Variants in MACROD2 observed in about 807,000 individuals in gnomAD.
The protein encoded by MACROD2 is ADP-ribose glycohydrolase MACROD2.
Under a neutral mutation model 70.4 loss-of-function variants are expected in MACROD2, and 36 were observed. The ratio of observed to expected loss-of-function variants is 0.51; its 90% CI spans 0.39 to 0.68. MACROD2 has a LOEUF of 0.68. Among genes scored for constraint, MACROD2 ranks in the 30% least tolerant of loss-of-function variants. The pLI, the probability that MACROD2 is intolerant of heterozygous loss-of-function variation, is 0.00. For synonymous variants in MACROD2, 172 were observed against 178.8 expected (o/e 0.96, Z 0.30); for missense variants, 496 against 538.4 (o/e 0.92, Z 0.78).
At chr20:15,292,532 T>C (rs1268539221) in intron 6 of MACROD2, among the ~76,000 whole-genome samples, 2 of 152,170 alleles carry the variant, frequency 1.3e-5, no homozygotes, top group Non-Finnish European at 1.5e-5. Context: ...AGCCAAACCC[T>C]ATAACAAAGT....
chr20:15,177,942 C>CTT (rs1160389671), intron 5 of MACROD2, among the ~76,000 whole-genome samples: 2 of 145,182 alleles, frequency 1.4e-5, no homozygotes, highest in South Asian at 2.2e-4. Flanking sequence ...AAATGGCATG[C>CTT]TTTTTTTTTT....
rs533901435 is a variant in MACROD2, at chr20:14,978,731, T to G, written c.419-251209T>G. ...GTTCTGCAACAGTTTAACAATCTGG[T>G]TAACATTTGAAAGTAAATGAAAACG... On this transcript the variant is annotated intron_variant, in intron 5 of 17. Transcript: ENST00000684519. 2.0e-5 allele frequency among the ~76,000 whole-genome samples: 3 copies of G among 148,598 alleles called. No homozygotes were observed. The South Asian group carries it at 6.5e-4, about 32-fold the overall frequency.
At chr20:15,789,026 T>C (rs905833824) in intron 8 of MACROD2, among the ~76,000 whole-genome samples, 5 of 152,234 alleles carry the variant, frequency 3.3e-5, no homozygotes, top group African/African-American at 1.2e-4. Context: ...ATGCAGCTAC[T>C]TCTTCCCTTG....
At chr20:14,338,899 T>C (rs2082982141) in intron 3 of MACROD2, among the ~76,000 whole-genome samples, 1 of 152,212 alleles carries the variant, frequency 6.6e-6, no homozygotes. Flanking sequence ...ATAAGTGTAT[T>C]TCACTTGTTC....
chr20:15,242,865 A>C (rs991292828), intron 6 of MACROD2, among the ~76,000 whole-genome samples: 3 of 152,208 alleles, frequency 2.0e-5, no homozygotes, highest in Non-Finnish European at 4.4e-5. Context: ...GTTAATGTGC[A>C]GGACGCTAAT....
At chr20:14,738,825 A>G (rs2071699804) in intron 5 of MACROD2, among the ~76,000 whole-genome samples, 1 of 152,004 alleles carries the variant, frequency 6.6e-6, no homozygotes, top group Non-Finnish European at 1.5e-5. Context: ...AGTATCCTTA[A>G]TATAGAGTAC....
At chr20:15,137,885 T>G (rs2076162690) in intron 5 of MACROD2, among the ~76,000 whole-genome samples, 1 of 152,126 alleles carries the variant, frequency 6.6e-6, no homozygotes, top group Non-Finnish European at 1.5e-5. Flanking sequence ...TGGGGTTAGT[T>G]GAGTGAGAGA....
intron 5 of MACROD2, among the ~76,000 whole-genome samples, chr20:14,742,538 G>A (rs1329512397): frequency 6.6e-6 from 1 of 151,400 alleles, no homozygotes; most frequent in East Asian, 1.9e-4. Flanking sequence ...TTACTTCTAA[G>A]TATGTTCCTT....
chr20:14,395,898 A>G (rs1428984068), intron 3 of MACROD2, among the ~76,000 whole-genome samples: 1 of 152,140 alleles, frequency 6.6e-6, no homozygotes. Context: ...TTTTCCAAGC[A>G]TCTTTCTGTC....
chr20:15,600,176 G>A (rs1261197376), intron 8 of MACROD2, among the ~76,000 whole-genome samples: 4 of 151,870 alleles, frequency 2.6e-5, no homozygotes, highest in Non-Finnish European at 5.9e-5. Flanking sequence ...CTGGAGCAAG[G>A]CAGGCCTGTC....
chr20:14,403,255 A>G (rs1404150539), intron 3 of MACROD2, among the ~76,000 whole-genome samples: 1 of 152,166 alleles, frequency 6.6e-6, no homozygotes, highest in Non-Finnish European at 1.5e-5. Flanking sequence ...TGACATTGCC[A>G]TGTCACTGGA....
At chr20:14,801,174 C>T (rs1198492423) in intron 5 of MACROD2, among the ~76,000 whole-genome samples, 1 of 152,074 alleles carries the variant, frequency 6.6e-6, no homozygotes, top group Admixed American at 6.5e-5. Context: ...GTTTTCTTCC[C>T]AAATTAGTTG....
In MACROD2 at chr20:14,436,161, G is replaced by A. The variant is rs556208083; in HGVS notation, c.272-57318G>A. The stretch of plus-strand genomic sequence containing the variant: ...GTGCTAAAGCAAAAGAAAAAAAAAA[G>A]TGCCAAAAGTCTTATTAAATTTATG... On this transcript the variant is annotated intron_variant, in intron 3 of 17. Coordinates refer to ENST00000684519, the MANE Select transcript of MACROD2 (RefSeq NM_001351661.2). 5.8e-4 allele frequency among the ~76,000 whole-genome samples: 88 copies of A among 151,886 alleles called. 1 individual carries two copies. Among genetic ancestry groups the A allele is most frequent in the African/African-American group, 2.1e-3 (87 of 41,418 alleles).
At position 14,026,936 on chromosome 20, in the gene MACROD2, C is replaced by T. The variant is rs139202679; in HGVS notation, c.163+24532C>T. Among the ~76,000 whole-genome samples the T allele has an allele frequency of 4.8e-3, 732 of 152,320 alleles. 4 individuals are homozygous for T. Among genetic ancestry groups the T allele is most frequent in the African/African-American group, 0.017 (700 of 41,586 alleles). On this transcript the variant is annotated intron_variant, in intron 2 of 17. Transcript: ENST00000684519. ...GACAGCAGTGGATCTCCCAGCACAG[C>T]GCTCACGCTCTGCTAAGGGACAGAC...
chr20:15,648,415 T>C (rs1223046691), intron 8 of MACROD2, among the ~76,000 whole-genome samples: 2 of 152,172 alleles, frequency 1.3e-5, no homozygotes, highest in Admixed American at 1.3e-4. Context: ...CATCTTTGCC[T>C]GGCTGGCCTC....
intron 4 of MACROD2, among the ~76,000 whole-genome samples, chr20:14,637,296 C>G (rs1169070908): frequency 6.6e-6 from 1 of 152,158 alleles, no homozygotes; most frequent in African/African-American, 2.4e-5. Context: ...AAAATCCACT[C>G]TAATGACGGA....
chr20:15,142,591 C>T (rs2076200134), intron 5 of MACROD2, among the ~76,000 whole-genome samples: 1 of 151,960 alleles, frequency 6.6e-6, no homozygotes, highest in African/African-American at 2.4e-5. Flanking sequence ...ATACATGTGC[C>T]ATGTTGGTGT....
intron 12 of MACROD2, among the ~76,000 whole-genome samples, chr20:15,967,167 T>C (rs1403153015): frequency 1.3e-5 from 2 of 152,206 alleles, no homozygotes; most frequent in African/African-American, 4.8e-5. Flanking sequence ...GACTCCCATA[T>C]GTGAGCAACC....
chr20:15,564,637 T>TA (rs1337468199), intron 8 of MACROD2, among the ~76,000 whole-genome samples: 1 of 152,140 alleles, frequency 6.6e-6, no homozygotes, highest in Non-Finnish European at 1.5e-5. Flanking sequence ...GAGGTGAAAA[T>TA]AAAATGGTTT....
Sources: gnomAD v4.1 joint callset for allele counts (sites outside exome capture counted in the v4.1 genomes callset) on GRCh38, gnomAD v4.1.1 for gene constraint, MANE v1.5 for transcripts, NCBI Gene and HGNC (gene_info 2026-07-23, HGNC 2026-07-21) for gene names.